Variants in XYLT1 observed in about 807,000 individuals in gnomAD.
XYLT1 encodes the protein xylosyltransferase 1, also known as beta-D-xylosyltransferase 1.
In XYLT1, 36 loss-of-function variants were observed where a neutral mutation model predicts 91.3. That is an observed-to-expected ratio of 0.39 (90% CI 0.30 to 0.52). The LOEUF is 0.52. Among genes scored for constraint, XYLT1 ranks in the 20% least tolerant of loss-of-function variants. The pLI is 0.68. For synonymous variants in XYLT1, 588 were observed against 532.0 expected, an observed-to-expected ratio of 1.11 and a Z score of -1.45; for missense variants, 1,242 against 1,284.5, an observed-to-expected ratio of 0.97 and a Z score of 0.51.
At chr16:17,201,724 C>T (rs1375719093) in intron 3 of XYLT1, among the ~76,000 whole-genome samples, 1 of 152,132 alleles carries the variant, frequency 6.6e-6, no homozygotes, top group Non-Finnish European at 1.5e-5. Context: ...GATCTGCCTA[C>T]CTTGGCCTCC....
intron 2 of XYLT1, among the ~76,000 whole-genome samples, chr16:17,314,041 CA>C (rs1372309717): frequency 1.3e-5 from 2 of 152,174 alleles, no homozygotes; most frequent in African/African-American, 4.8e-5. Flanking sequence ...TCTGTCCAGC[CA>C]AAAGAACATT....
chr16:17,409,643 G>A (rs552875200), intron 1 of XYLT1, among the ~76,000 whole-genome samples: 3 of 149,722 alleles, frequency 2.0e-5, no homozygotes, highest in East Asian at 2.0e-4. Flanking sequence ...TCTGCCTATC[G>A]GGTTCATGTG....
At chr16:17,466,167 G>A (rs986196513) in intron 1 of XYLT1, among the ~76,000 whole-genome samples, 5 of 152,120 alleles carry the variant, frequency 3.3e-5, no homozygotes, top group Non-Finnish European at 7.3e-5. Flanking sequence ...GGTAGATGGG[G>A]ATCTGGGTCC....
At chr16:17,445,508 C>T (rs533595727) in intron 1 of XYLT1, among the ~76,000 whole-genome samples, 2 of 152,334 alleles carry the variant, frequency 1.3e-5, no homozygotes, top group African/African-American at 4.8e-5. Flanking sequence ...TTCCTGGCAG[C>T]TGCCAGAACA....
chr16:17,214,999 T>C (rs1336880378), intron 3 of XYLT1, among the ~76,000 whole-genome samples: 1 of 152,164 alleles, frequency 6.6e-6, no homozygotes, highest in Non-Finnish European at 1.5e-5. Flanking sequence ...AATTAATATG[T>C]TGAAGGCCTA....
At chr16:17,458,480 A>G (rs995885420) in intron 1 of XYLT1, among the ~76,000 whole-genome samples, 3 of 152,162 alleles carry the variant, frequency 2.0e-5, no homozygotes, top group Non-Finnish European at 4.4e-5. Context: ...TAACTGTGGG[A>G]GCAATGCAGA....
At chr16:17,375,714 G>C (rs1242543084) in intron 1 of XYLT1, among the ~76,000 whole-genome samples, 1 of 152,202 alleles carries the variant, frequency 6.6e-6, no homozygotes, top group Non-Finnish European at 1.5e-5. Context: ...CTGGGCCCTC[G>C]TGCCCATCAG....
intron 2 of XYLT1, among the ~76,000 whole-genome samples, chr16:17,271,718 C>T (rs1355061289): frequency 6.6e-6 from 1 of 152,172 alleles, no homozygotes; most frequent in African/African-American, 2.4e-5. Flanking sequence ...TGTCAAATGT[C>T]TCCTGGAGTA....
chr16:17,461,251 C>T (rs4436762), intron 1 of XYLT1, among the ~76,000 whole-genome samples: 3 of 152,214 alleles, frequency 2.0e-5, no homozygotes, highest in Non-Finnish European at 1.5e-5. Context: ...GGCTCTGAAT[C>T]ATACTACTTA....
intron 1 of XYLT1, among the ~76,000 whole-genome samples, chr16:17,435,139 G>A (rs1289634881): frequency 6.6e-6 from 1 of 152,182 alleles, no homozygotes; most frequent in Non-Finnish European, 1.5e-5. Flanking sequence ...GGTCCGGCGT[G>A]GCACGCACCA....
chr16:17,238,347 G>A (rs184601837), intron 3 of XYLT1, among the ~76,000 whole-genome samples: 5 of 152,192 alleles, frequency 3.3e-5, no homozygotes, highest in Non-Finnish European at 5.9e-5. Context: ...AAGTAATTAC[G>A]GTTTTTGCTA....
At position 17,244,633 on chromosome 16, in the gene XYLT1, C is replaced by G. The variant is rs191511693; in HGVS notation, c.913+14355G>C. Among the ~76,000 whole-genome samples, 441 of 152,296 alleles carry G rather than the reference C, an allele frequency of 2.9e-3. 1 individual carries two copies. Among genetic ancestry groups the G allele is most frequent in the South Asian group, 6.2e-3 (30 of 4,818 alleles). Reference sequence around the variant, plus strand: ...CCCCAAGAGAATTAAGCTCGAATGTCCTGGGGCATCCGTTGTAGGTAGCAA... The same window carrying G: ...CCCCAAGAGAATTAAGCTCGAATGTGCTGGGGCATCCGTTGTAGGTAGCAA... On this transcript the variant is annotated intron_variant, in intron 3 of 11. Coordinates refer to ENST00000261381, the MANE Select transcript of XYLT1 (RefSeq NM_022166.4).
chr16:17,208,340 T>TAA (rs534458681), intron 3 of XYLT1, among the ~76,000 whole-genome samples: 1 of 143,076 alleles, frequency 7.0e-6, no homozygotes, highest in Non-Finnish European at 1.5e-5. Flanking sequence ...CACTTCTCTT[T>TAA]AAAAAAAAAA....
chr16:17,282,507 TG>T (rs2034073048), intron 2 of XYLT1, among the ~76,000 whole-genome samples: 1 of 152,072 alleles, frequency 6.6e-6, no homozygotes, highest in African/African-American at 2.4e-5. Flanking sequence ...TCGGCTCAGG[TG>T]GGAGGGTGAG....
In XYLT1 at chr16:17,275,685, C is replaced by G. The variant is rs28401306; in HGVS notation, c.403-16187G>C. Reference sequence around the variant, plus strand: ...ATTTCCCTATACACCTTCTCTGTCTCTCTTGATTCAACTCCCAGGAAGCCC... The same window carrying G: ...ATTTCCCTATACACCTTCTCTGTCTGTCTTGATTCAACTCCCAGGAAGCCC... On this transcript the variant is annotated intron_variant, in intron 2 of 11. Transcript: ENST00000261381. 8.1e-3 allele frequency among the ~76,000 whole-genome samples: 1,239 copies of G among 152,310 alleles called. 17 individuals carry two copies. Among genetic ancestry groups the G allele is most frequent in the African/African-American group, 0.028 (1,173 of 41,560 alleles).
chr16:17,134,839 C>T (rs974602249), intron 8 of XYLT1, 104 bp from the exon 9 acceptor site: 212 of 1,380,720 alleles, frequency 1.5e-4, no homozygotes, highest in Middle Eastern at 4.0e-4. Flanking sequence ...CTCTGCTGGA[C>T]CCGAATTAGC....
intron 5 of XYLT1, among the ~76,000 whole-genome samples, chr16:17,171,574 A>G (rs944694091): frequency 1.3e-5 from 2 of 152,264 alleles, no homozygotes; most frequent in Non-Finnish European, 2.9e-5. Context: ...GAGAAATTTC[A>G]AAAGGATTTT....
chr16:17,401,669 C>T (rs1028922638), intron 1 of XYLT1, among the ~76,000 whole-genome samples: 3 of 152,110 alleles, frequency 2.0e-5, no homozygotes, highest in Non-Finnish European at 4.4e-5. Flanking sequence ...CAGATAATGC[C>T]TGGCCTAGTT....
At position 17,296,007 on chromosome 16, in the gene XYLT1, G is replaced by A. The variant is rs538695044; in HGVS notation, c.403-36509C>T. ...TTCATCTTCCTCCAAACCATTTCTCGCATTCATAGAGTAAGGAAGAAAGAA... is the reference window on the plus strand; with the variant it reads ...TTCATCTTCCTCCAAACCATTTCTCACATTCATAGAGTAAGGAAGAAAGAA... On this transcript the variant is annotated intron_variant, in intron 2 of 11. Coordinates refer to ENST00000261381, the MANE Select transcript of XYLT1 (RefSeq NM_022166.4). Among the ~76,000 whole-genome samples, 27 of 151,430 alleles carry A rather than the reference G, an allele frequency of 1.8e-4. No homozygotes were observed. The South Asian group carries it at 4.8e-3, about 27-fold the overall frequency.
Sources: gnomAD v4.1 joint callset for allele counts (sites outside exome capture counted in the v4.1 genomes callset) on GRCh38, gnomAD v4.1.1 for gene constraint, MANE v1.5 for transcripts, NCBI Gene and HGNC (gene_info 2026-07-23, HGNC 2026-07-21) for gene names.